The following HIVEP3 variants were observed in gnomAD, a reference collection of about 807,000 sequenced individuals.
The protein encoded by HIVEP3 is HIVEP zinc finger 3, also known as transcription factor HIVEP3.
HIVEP3 carries 49 observed loss-of-function variants against 152.8 expected under a neutral mutation model. The ratio of observed to expected loss-of-function variants is 0.32; its 90% confidence interval spans 0.26 to 0.41. The LOEUF (loss-of-function observed/expected upper bound fraction) is 0.41, where lower values mean the gene tolerates loss of function less well. Ranked by LOEUF, HIVEP3 falls within the 10% of genes least tolerant of loss-of-function variation. HIVEP3 has a pLI of 1.00. For missense variants in HIVEP3, 2,790 were observed against 3,103.3 expected (o/e 0.90, Z 2.40); for synonymous variants, 1,269 against 1,289.0 (o/e 0.98, Z 0.33).
chr1:41,990,745 T>C (rs1198243255), intron 1 of HIVEP3, among the ~76,000 whole-genome samples: 1 of 147,062 alleles, frequency 6.8e-6, no homozygotes, highest in Non-Finnish European at 1.5e-5. Flanking sequence ...GACCACATAC[T>C]TGGAAGTAAA....
At chr1:41,761,855 C>G (rs962683779) in intron 1 of HIVEP3, among the ~76,000 whole-genome samples, 1 of 152,166 alleles carries the variant, frequency 6.6e-6, no homozygotes, top group Non-Finnish European at 1.5e-5. Context: ...CAGACAAATC[C>G]CAAGGCAGAC....
chr1:41,600,132 T>C (rs1477414433), intron 3 of HIVEP3, among the ~76,000 whole-genome samples: 1 of 152,192 alleles, frequency 6.6e-6, no homozygotes, highest in Non-Finnish European at 1.5e-5. Context: ...TGTAAAACGG[T>C]GCAGCCTCTA....
chr1:41,981,206 A>G (rs762256044), intron 1 of HIVEP3, among the ~76,000 whole-genome samples: 1 of 152,208 alleles, frequency 6.6e-6, no homozygotes, highest in Non-Finnish European at 1.5e-5. Flanking sequence ...CGTGTCTCCA[A>G]AGGGAGCAAG....
chr1:41,585,715 G>T (rs1570017247), intron 3 of HIVEP3, among the ~76,000 whole-genome samples: 1 of 152,142 alleles, frequency 6.6e-6, no homozygotes, highest in African/African-American at 2.4e-5. Flanking sequence ...TGCCTAATCG[G>T]TAAAACAGAT....
intron 1 of HIVEP3, among the ~76,000 whole-genome samples, chr1:41,750,063 T>C (rs1647135834): frequency 6.6e-6 from 1 of 152,116 alleles, no homozygotes; most frequent in East Asian, 1.9e-4. Flanking sequence ...CGGTGGAGCC[T>C]CCTGGTTAAG....
intron 2 of HIVEP3, among the ~76,000 whole-genome samples, chr1:41,683,269 C>T (rs112441453): frequency 5.6e-4 from 85 of 152,344 alleles, no homozygotes; most frequent in African/African-American, 1.9e-3. Context: ...CTTATATTTG[C>T]AGTCCGTGTG....
chr1:41,925,329 C>G, intron 1 of HIVEP3, among the ~76,000 whole-genome samples: 1 of 152,100 alleles, frequency 6.6e-6, no homozygotes, highest in East Asian at 1.9e-4. Context: ...CTACTGGAAG[C>G]CTTAGTGATA....
intron 1 of HIVEP3, among the ~76,000 whole-genome samples, chr1:41,931,636 T>C (rs763461558): frequency 6.6e-6 from 1 of 152,062 alleles, no homozygotes; most frequent in Non-Finnish European, 1.5e-5. Flanking sequence ...GTTCTTTAAT[T>C]GCTTTCACCA....
intron 1 of HIVEP3, among the ~76,000 whole-genome samples, chr1:41,806,318 G>A (rs1036214744): frequency 1.1e-4 from 16 of 152,162 alleles, no homozygotes; most frequent in Admixed American, 3.9e-4. Context: ...ACTACACAGC[G>A]TGGGCATGGT....
Position 41,775,771 on chromosome 1 carries a change from G to A in HIVEP3, c.-800-74776C>T, listed in dbSNP as rs570892800. On this transcript the variant is annotated intron_variant, in intron 1 of 8. Transcript: ENST00000372583. ...GCAGGGATTACAGGCATGAGCCACCGCACCCAGCCAGAAGGAGTGGTTTTG... is the reference window on the plus strand; with the variant it reads ...GCAGGGATTACAGGCATGAGCCACCACACCCAGCCAGAAGGAGTGGTTTTG... 1.6e-4 allele frequency among the ~76,000 whole-genome samples: 24 copies of A among 152,234 alleles called. No individual in the cohort carries two copies. The East Asian group carries it at 4.4e-3, about 28-fold the overall frequency.
intron 1 of HIVEP3, among the ~76,000 whole-genome samples, chr1:42,022,502 A>G (rs571174778): frequency 6.6e-6 from 1 of 152,302 alleles, no homozygotes; most frequent in East Asian, 1.9e-4. Context: ...CATTATTTAA[A>G]TGGTCCAGAT....
intron 3 of HIVEP3, among the ~76,000 whole-genome samples, chr1:41,612,362 A>G (rs1322645519): frequency 6.6e-6 from 1 of 152,174 alleles, no homozygotes; most frequent in African/African-American, 2.4e-5. Flanking sequence ...CAGCTCACCA[A>G]AGGCCCCTGT....
intron 2 of HIVEP3, among the ~76,000 whole-genome samples, chr1:41,700,016 C>T (rs1444613496): frequency 6.6e-6 from 1 of 152,116 alleles, no homozygotes; most frequent in Non-Finnish European, 1.5e-5. Context: ...GAATGCTCTT[C>T]TTCCATTTTT....
intron 1 of HIVEP3, among the ~76,000 whole-genome samples, chr1:41,845,524 A>T (rs1442823450): frequency 6.6e-6 from 1 of 152,026 alleles, no homozygotes; most frequent in African/African-American, 2.4e-5. Context: ...AACAACAGGG[A>T]TAGTTTAGGT....
chr1:41,549,037 C>A (rs949052791), intron 5 of HIVEP3, among the ~76,000 whole-genome samples: 2 of 151,922 alleles, frequency 1.3e-5, no homozygotes, highest in East Asian at 1.9e-4. Flanking sequence ...CCCCCACCCC[C>A]CAACAGGCCC....
chr1:41,774,380 T>C (rs1278160524), intron 1 of HIVEP3, among the ~76,000 whole-genome samples: 1 of 152,242 alleles, frequency 6.6e-6, no homozygotes, highest in Non-Finnish European at 1.5e-5. Flanking sequence ...AAAGAATGCT[T>C]TGAAAATTTG....
intron 1 of HIVEP3, among the ~76,000 whole-genome samples, chr1:41,929,245 T>A (rs12088356): frequency 0.032 from 4,863 of 152,266 alleles, 265 homozygotes; most frequent in African/African-American, 0.11. Context: ...ATCAGTGTAT[T>A]CAACTTTTAT....
chr1:41,702,727 C>G (rs1242816534), intron 1 of HIVEP3, among the ~76,000 whole-genome samples: 1 of 152,230 alleles, frequency 6.6e-6, no homozygotes, highest in Non-Finnish European at 1.5e-5. Context: ...CCCACAGAGT[C>G]TAGCACAAGG....
intron 3 of HIVEP3, among the ~76,000 whole-genome samples, chr1:41,607,683 T>C (rs540344983): frequency 2.6e-5 from 4 of 152,346 alleles, no homozygotes; most frequent in African/African-American, 9.6e-5. Flanking sequence ...CCAATATATT[T>C]ATGAATGAGG....
Sources: gnomAD v4.1 joint callset for allele counts (sites outside exome capture counted in the v4.1 genomes callset) on GRCh38, gnomAD v4.1.1 for gene constraint, MANE v1.5 for transcripts, NCBI Gene and HGNC (gene_info 2026-07-23, HGNC 2026-07-21) for gene names.